PDZRN3: variants seen among roughly 807,000 people sequenced by gnomAD.
The protein encoded by PDZRN3 is E3 ubiquitin-protein ligase PDZRN3.
Under a neutral mutation model 85.7 loss-of-function variants are expected in PDZRN3, and 38 were observed. The observed-to-expected ratio is 0.44, with a 90% CI of 0.34 to 0.58. PDZRN3 has a LOEUF of 0.58. PDZRN3 is among the 20% of genes least tolerant of loss of function. The pLI is 0.01. For missense variants in PDZRN3, 1,629 were observed against 1,506.4 expected (o/e 1.08, Z -1.35); for synonymous variants, 759 against 638.0 (o/e 1.19, Z -2.86).
chr3:73,524,620 A>C (rs973688942), intron 3 of PDZRN3, among the ~76,000 whole-genome samples: 9 of 152,218 alleles, frequency 5.9e-5, no homozygotes, highest in African/African-American at 2.2e-4. Context: ...TGTGAGATCA[A>C]CAATTTCTAA....
At chr3:73,485,679 C>G (rs975954110) in intron 3 of PDZRN3, among the ~76,000 whole-genome samples, 1 of 152,166 alleles carries the variant, frequency 6.6e-6, no homozygotes, top group Non-Finnish European at 1.5e-5. Context: ...TAATTTTAAA[C>G]TATAAGACGA....
intron 3 of PDZRN3, among the ~76,000 whole-genome samples, chr3:73,524,854 G>T (rs568185477): frequency 6.6e-6 from 1 of 151,950 alleles, no homozygotes; most frequent in South Asian, 2.1e-4. Context: ...ACATACCACA[G>T]AAGGGCAGGA....
rs549697039 is a variant in PDZRN3 at position 73,507,634 on chromosome 3, T to C, written c.918+94720A>G. Among the ~76,000 whole-genome samples the C allele has an allele frequency of 2.1e-4, 32 of 152,334 alleles. No homozygotes were observed. The South Asian group carries it at 6.6e-3, about 32-fold the overall frequency. On this transcript the variant is annotated intron_variant, in intron 3 of 9. Transcript: ENST00000263666. The stretch of plus-strand genomic sequence containing the variant: ...TTGGAGAAGTTATGGAGTTTGACAA[T>C]GTCAGGTCTAATTAGAATCAGCCAT...
intron 3 of PDZRN3, among the ~76,000 whole-genome samples, chr3:73,563,008 TA>T (rs1701862146): frequency 9.9e-5 from 4 of 40,364 alleles, no homozygotes; most frequent in African/African-American, 3.3e-4. Context: ...TATATATATA[TA>T]TATATTTTTT....
intron 3 of PDZRN3, among the ~76,000 whole-genome samples, chr3:73,510,484 TG>T (rs1174636974): frequency 6.6e-6 from 1 of 152,208 alleles, no homozygotes; most frequent in East Asian, 1.9e-4. Flanking sequence ...AAATAAAGCA[TG>T]TGCTCTATGC....
chr3:73,500,057 T>G (rs1326506143), intron 3 of PDZRN3, among the ~76,000 whole-genome samples: 2 of 152,100 alleles, frequency 1.3e-5, no homozygotes, highest in Non-Finnish European at 2.9e-5. Context: ...AGCCCTTGCT[T>G]TTTTTCCCCC....
chr3:73,555,275 G>A (rs916565959), intron 3 of PDZRN3, among the ~76,000 whole-genome samples: 3 of 152,114 alleles, frequency 2.0e-5, no homozygotes, highest in East Asian at 3.9e-4. Context: ...CACTTGGGAC[G>A]AGGAAGAAAA....
At chr3:73,569,663 T>G in intron 3 of PDZRN3, 2 of 765,888 alleles carry the variant, frequency 2.6e-6, no homozygotes, top group Non-Finnish European at 3.2e-6. Flanking sequence ...TACCTTTCTC[T>G]TCCTCCCTAG....
intron 3 of PDZRN3, among the ~76,000 whole-genome samples, chr3:73,478,137 T>C (rs17703851): frequency 0.14 from 21,544 of 152,196 alleles, 1,694 homozygotes; most frequent in South Asian, 0.2. Context: ...GGCCAAATCC[T>C]GAATCTGTAT....
intron 3 of PDZRN3, among the ~76,000 whole-genome samples, chr3:73,573,546 C>A (rs985581906): frequency 2.0e-5 from 3 of 152,178 alleles, no homozygotes; most frequent in Non-Finnish European, 2.9e-5. Context: ...TTTCACACTA[C>A]AATGGCAGAG....
Position 73,384,224 on chromosome 3 carries a change from C to T in PDZRN3, c.2342G>A (p.Arg781Lys), listed in dbSNP as rs752142487. The T allele has an allele frequency of 2.8e-5, 45 of 1,613,594 alleles. No homozygotes were observed. Among genetic ancestry groups the T allele is most frequent in the Non-Finnish European group, 3.7e-5 (44 of 1,179,994 alleles). The change falls in exon 10 of 10, where the codon AGA becomes AAA. Residue 781 changes from arginine to lysine, a missense_variant. Physicochemically the swap from Arg to Lys is conservative, Grantham distance 26. Transcript: ENST00000263666. Reference sequence around the variant, plus strand: ...CGGGCAGCTGATGCCCTCCGCCGCTCTCCTCAAGGAGTTGTCGGGGGAGAT... The same window carrying T: ...CGGGCAGCTGATGCCCTCCGCCGCTTTCCTCAAGGAGTTGTCGGGGGAGAT... ...LEISPDNSLRRAAEGISCPSS... is the reference protein window; with the variant it reads ...LEISPDNSLRKAAEGISCPSS...
intron 3 of PDZRN3, among the ~76,000 whole-genome samples, chr3:73,553,393 G>C (rs1559735111): frequency 2.0e-5 from 3 of 152,054 alleles, no homozygotes; most frequent in African/African-American, 4.8e-5. Context: ...GACCAACATG[G>C]TGAAACCCCA....
chr3:73,508,835 T>C (rs1334325409), intron 3 of PDZRN3, among the ~76,000 whole-genome samples: 1 of 152,146 alleles, frequency 6.6e-6, no homozygotes, highest in Non-Finnish European at 1.5e-5. Flanking sequence ...TCCACTTCCC[T>C]AGCCATAACC....
At chr3:73,439,143 A>G (rs1041806769) in intron 3 of PDZRN3, among the ~76,000 whole-genome samples, 1 of 152,218 alleles carries the variant, frequency 6.6e-6, no homozygotes, top group Non-Finnish European at 1.5e-5. Context: ...TTCCAGTGCA[A>G]GAACCAGGCC....
chr3:73,460,865 C>T (rs931986509), intron 3 of PDZRN3, among the ~76,000 whole-genome samples: 1 of 152,098 alleles, frequency 6.6e-6, no homozygotes, highest in African/African-American at 2.4e-5. Flanking sequence ...ACAATCTCGG[C>T]TCACTGCAAC....
chr3:73,505,223 G>A (rs1433694321), intron 3 of PDZRN3, among the ~76,000 whole-genome samples: 4 of 152,166 alleles, frequency 2.6e-5, no homozygotes, highest in South Asian at 2.1e-4. Context: ...GGTTACCCAC[G>A]AATAATCATT....
At chr3:73,458,566 T>C (rs2106859463) in intron 3 of PDZRN3, among the ~76,000 whole-genome samples, 2 of 148,716 alleles carry the variant, frequency 1.3e-5, no homozygotes, top group Admixed American at 6.8e-5. Context: ...CTAGATACAA[T>C]GCTAGGAAAC....
chr3:73,387,784 A>C (rs1701428779), intron 8 of PDZRN3, among the ~76,000 whole-genome samples, 184 bp downstream of exon 8: 1 of 152,186 alleles, frequency 6.6e-6, no homozygotes, highest in Non-Finnish European at 1.5e-5. Flanking sequence ...CAGGGTGGGC[A>C]TCTAACCAAC....
intron 2 of PDZRN3, among the ~76,000 whole-genome samples, chr3:73,603,003 A>T (rs1283786021): frequency 6.6e-6 from 1 of 152,232 alleles, no homozygotes. Flanking sequence ...ATTTTAAATT[A>T]TCTTTGCTAT....
Sources: allele counts gnomAD v4.1 joint callset (sites outside exome capture counted in the v4.1 genomes callset), GRCh38; gene constraint gnomAD v4.1.1; transcripts MANE v1.5; gene names NCBI Gene and HGNC (gene_info 2026-07-23, HGNC 2026-07-21).